The following APPL1 variants were observed in gnomAD, a reference collection of about 807,000 sequenced individuals.
APPL1 encodes the protein adaptor protein, phosphotyrosine interacting with PH domain and leucine zipper 1.
Under a neutral mutation model 106.8 loss-of-function variants are expected in APPL1, and 42 were observed. That is an observed-to-expected ratio of 0.39 (90% CI 0.31 to 0.51). The LOEUF (loss-of-function observed/expected upper bound fraction) is 0.51. Among genes scored for constraint, APPL1 ranks in the 20% least tolerant of loss-of-function variants. APPL1 has a pLI of 0.75. For missense variants in APPL1, 769 were observed against 858.2 expected (o/e 0.90, Z 1.30); for synonymous variants, 263 against 281.8 (o/e 0.93, Z 0.67).
intron 13 of APPL1, among the ~76,000 whole-genome samples, chr3:57,254,919 C>G (rs2060827085): frequency 6.6e-6 from 1 of 152,210 alleles, no homozygotes; most frequent in Admixed American, 6.5e-5. Flanking sequence ...GCCACCACGC[C>G]CAGCCAAGTT....
At position 57,260,004 on chromosome 3, in the gene APPL1, C is replaced by G. The variant is rs1579399463; in HGVS notation, c.1643C>G (p.Thr548Ser). ...FRMTESHLLV[T>S]CDCLKLIDPQ... ...ATGACAGAATCGCATTTATTAGTCACTTGTGACTGTTTAAAGTAAGTAAAA... is the reference window on the plus strand; with the variant it reads ...ATGACAGAATCGCATTTATTAGTCAGTTGTGACTGTTTAAAGTAAGTAAAA... Residue 548 changes from threonine to serine, a missense_variant, in exon 17 of 22, where the codon ACT becomes AGT. Thr to Ser is a moderately conservative substitution (Grantham distance 58). Coordinates refer to ENST00000288266, the MANE Select transcript of APPL1 (RefSeq NM_012096.3). 6.2e-7 allele frequency: 1 copy of G among 1,613,684 alleles called. No individual in the cohort carries two copies. Among genetic ancestry groups the G allele is most frequent in the Non-Finnish European group, 8.5e-7 (1 of 1,179,928 alleles).
Position 57,269,717 on chromosome 3 carries a change from G to A in APPL1, c.*30G>A, listed in dbSNP as rs747162922. 5.6e-6 allele frequency: 9 copies of A among 1,608,198 alleles called. No homozygotes were observed. Among genetic ancestry groups the A allele is most frequent in the Non-Finnish European group, 7.7e-6 (9 of 1,175,990 alleles). ...ATACTTTTGGTAGATATTCCCCCTT[G>A]GAATTTGACAGTTTCTATGGTGAAA... is the stretch of plus-strand genomic sequence containing the variant. On this transcript the variant is annotated 3_prime_UTR_variant, in exon 22 of 22. Coordinates refer to ENST00000288266, the MANE Select transcript of APPL1 (RefSeq NM_012096.3).
chr3:57,260,775 G>A lies in APPL1; in HGVS notation c.1842+1G>A. The A allele has an allele frequency of 6.2e-7, 1 of 1,602,716 alleles. No individual in the cohort carries two copies. The highest frequency in any genetic ancestry group is 2.2e-5 in the East Asian group (1 of 44,604). On this transcript the variant is annotated splice_donor_variant, in intron 19 of 21. Transcript: ENST00000288266. LOFTEE classifies it high-confidence loss of function. ...TGAGTCAAACAATGAGGGGGAAAAGGTACATGGCTTTTCAGAATATCTCTG... is the reference window on the plus strand; with the variant it reads ...TGAGTCAAACAATGAGGGGGAAAAGATACATGGCTTTTCAGAATATCTCTG...
chr3:57,248,107 A>T, intron 9 of APPL1, 86 bp from the exon 10 acceptor site: 1 of 1,388,830 alleles, frequency 7.2e-7, no homozygotes, highest in East Asian at 2.3e-5. Context: ...AAGAAAACAT[A>T]CCCGAAACAA....
rs1216899633 is a variant in APPL1 at position 57,271,155 on chromosome 3, T to C, written c.*1468T>C. On this transcript the variant is annotated 3_prime_UTR_variant, in exon 22 of 22. Coordinates refer to ENST00000288266, the MANE Select transcript of APPL1 (RefSeq NM_012096.3). ...GCCTTTTTTTTTCTTTGATATACAG[T>C]TTTTTCTTCTTAGTTCTGCATTAGA... is the stretch of plus-strand genomic sequence containing the variant. The C allele has an allele frequency of 6.6e-6, 1 of 152,412 alleles. No individual in the cohort carries two copies. Among genetic ancestry groups the C allele is most frequent in the African/African-American group, 2.4e-5 (1 of 41,356 alleles). 9.4% of individuals were successfully genotyped at this position (152,412 alleles called of 1,614,324 possible). A position where few individuals can be genotyped will look rare whatever the true frequency, so the allele number is the denominator to read the frequency against.
At chr3:57,268,673 AGTTACGTTGACATGTAATATGACTGTT>A in intron 21 of APPL1, 186 bp downstream of exon 21, 1 of 465,484 alleles carries the variant, frequency 2.1e-6, no homozygotes, top group Non-Finnish European at 3.5e-6. Flanking sequence ...TTTACATTAT[AGTTACGTTGACATGTAATATGACTGTT>A]TCAAAAATAT....
At chr3:57,251,165 T>C (rs900108342) in intron 11 of APPL1, among the ~76,000 whole-genome samples, 3 of 151,554 alleles carry the variant, frequency 2.0e-5, no homozygotes, top group African/African-American at 4.8e-5. Flanking sequence ...AGTCATTTTT[T>C]CCCCTGTATT....
chr3:57,267,392 C>G (rs920006287), intron 19 of APPL1, among the ~76,000 whole-genome samples: 2 of 152,088 alleles, frequency 1.3e-5, no homozygotes, highest in African/African-American at 4.8e-5. Flanking sequence ...ATGTTGGGAA[C>G]CAAACATTAT....
rs2107609075 is a variant in APPL1, at chr3:57,260,952, G to T, written c.1842+178G>T. 2.0e-5 allele frequency among the ~76,000 whole-genome samples: 3 copies of T among 152,276 alleles called. No individual in the cohort carries two copies. In the South Asian group the frequency reaches 6.2e-4, roughly 32 times the overall value. On this transcript the variant is annotated intron_variant, in intron 19 of 21. Coordinates refer to ENST00000288266, the MANE Select transcript of APPL1 (RefSeq NM_012096.3). ...TTTTGTTACATGTATAGAATGTACA[G>T]TAAGCAAGTCAGGGTATTTAGGGTG... is the stretch of plus-strand genomic sequence containing the variant.
At chr3:57,236,586 C>T (rs906046554) in intron 2 of APPL1, among the ~76,000 whole-genome samples, 12 of 152,208 alleles carry the variant, frequency 7.9e-5, no homozygotes, top group Admixed American at 5.9e-4. Flanking sequence ...CCTCGGCCTC[C>T]CAAAGTGCTG....
chr3:57,232,981 G>A lies in APPL1; in HGVS notation c.55-2585G>A, dbSNP rs149646717. Among the ~76,000 whole-genome samples, 878 of 151,812 alleles carry A rather than the reference G, an allele frequency of 5.8e-3. 8 individuals are homozygous for A. Among genetic ancestry groups the A allele is most frequent in the African/African-American group, 0.021 (853 of 41,376 alleles). ...CACACCACTGCACTCCAGCCTGGGCGACACAGTGAGACTCTGACTCAAAAA... is the reference window on the plus strand; with the variant it reads ...CACACCACTGCACTCCAGCCTGGGCAACACAGTGAGACTCTGACTCAAAAA... On this transcript the variant is annotated intron_variant, in intron 1 of 21. Transcript: ENST00000288266.
At chr3:57,253,775 A>C in intron 13 of APPL1, 37 bp downstream of exon 13, 1 of 1,364,990 alleles carries the variant, frequency 7.3e-7, no homozygotes, top group Non-Finnish European at 9.6e-7. Context: ...GATCTAGCAA[A>C]ATTGAGTAAT....
intron 1 of APPL1, among the ~76,000 whole-genome samples, chr3:57,233,215 ATTGTT>A (rs2060697685): frequency 6.6e-6 from 1 of 152,186 alleles, no homozygotes; most frequent in Admixed American, 6.5e-5. Flanking sequence ...AATTGCCAGC[ATTGTT>A]TTGTTTGAGT....
chr3:57,245,399 C>T (rs1156323959), intron 7 of APPL1, among the ~76,000 whole-genome samples: 1 of 152,154 alleles, frequency 6.6e-6, no homozygotes, highest in African/African-American at 2.4e-5. Flanking sequence ...GAATGGTATG[C>T]TGTGAACTGA....
intron 19 of APPL1, among the ~76,000 whole-genome samples, chr3:57,266,202 G>T (rs1331247634): frequency 6.6e-6 from 1 of 152,064 alleles, no homozygotes; most frequent in Non-Finnish European, 1.5e-5. Flanking sequence ...GGTAATACTG[G>T]CCTCGTAGAA....
At chr3:57,239,583 C>G (rs1301057319) in intron 4 of APPL1, among the ~76,000 whole-genome samples, 1 of 151,956 alleles carries the variant, frequency 6.6e-6, no homozygotes, top group Non-Finnish European at 1.5e-5. Flanking sequence ...TGTGTTGTTT[C>G]TACCTTTTAA....
chr3:57,243,852 A>G (rs2060759005), intron 7 of APPL1, among the ~76,000 whole-genome samples: 1 of 152,120 alleles, frequency 6.6e-6, no homozygotes, highest in African/African-American at 2.4e-5. Context: ...ACACTCTGTC[A>G]CCAACTTCAT....
intron 5 of APPL1, among the ~76,000 whole-genome samples, chr3:57,241,035 T>C (rs759883004): frequency 6.6e-5 from 10 of 152,158 alleles, no homozygotes; most frequent in Non-Finnish European, 1.5e-5. Context: ...CTGTATGTGT[T>C]AGAGTGAGGC....
intron 1 of APPL1, among the ~76,000 whole-genome samples, chr3:57,232,334 G>A (rs985356896): frequency 2.0e-5 from 3 of 152,132 alleles, no homozygotes; most frequent in Admixed American, 6.5e-5. Context: ...TCCTCTTAGA[G>A]TTGATGGTAT....
Sources: gnomAD v4.1 joint callset for allele counts (sites outside exome capture counted in the v4.1 genomes callset) on GRCh38, gnomAD v4.1.1 for gene constraint, MANE v1.5 for transcripts, NCBI Gene and HGNC (gene_info 2026-07-23, HGNC 2026-07-21) for gene names.